The following USP54 variants were observed in gnomAD, a reference collection of about 807,000 sequenced individuals.
USP54 encodes the protein ubiquitin specific peptidase 54, also known as ubiquitin carboxyl-terminal hydrolase 54.
In USP54, 87 loss-of-function variants were observed where a neutral mutation model predicts 170.5. The ratio of observed to expected loss-of-function variants is 0.51; its 90% CI spans 0.43 to 0.61. USP54 has a LOEUF of 0.61. Ranked by LOEUF, USP54 falls within the 20% of genes least tolerant of loss-of-function variation. The pLI is 0.00. For synonymous variants in USP54, 655 were observed against 742.8 expected (o/e 0.88, Z 1.92); for missense variants, 1,786 against 2,047.8 (o/e 0.87, Z 2.47).
chr10:73,585,468 G>A (rs1026874747), intron 1 of USP54, among the ~76,000 whole-genome samples: 5 of 152,182 alleles, frequency 3.3e-5, no homozygotes, highest in Non-Finnish European at 7.3e-5. Context: ...GTCACATGGC[G>A]AGAGAGACAA....
At chr10:73,538,371 C>T (rs1436408286) in intron 10 of USP54, 1 of 152,038 alleles carries the variant, frequency 6.6e-6, no homozygotes, top group Non-Finnish European at 1.5e-5. Context: ...AATCAATCTC[C>T]CCGAGCCCAA....
intron 1 of USP54, among the ~76,000 whole-genome samples, chr10:73,610,443 GAA>G: frequency 6.6e-6 from 1 of 152,184 alleles, no homozygotes; most frequent in African/African-American, 2.4e-5. Flanking sequence ...CCAACATGGT[GAA>G]ACCCCAACTC....
chr10:73,521,996 G>A (rs892225006), intron 17 of USP54, among the ~76,000 whole-genome samples: 1 of 152,146 alleles, frequency 6.6e-6, no homozygotes, highest in South Asian at 2.1e-4. Flanking sequence ...TTGCCAGTGA[G>A]CCTTCACAAG....
intron 20 of USP54, among the ~76,000 whole-genome samples, chr10:73,509,742 T>C (rs563639116): frequency 5.2e-4 from 79 of 152,314 alleles, no homozygotes; most frequent in Non-Finnish European, 9.8e-4. Flanking sequence ...GCATCGTAGC[T>C]CATGCCTGTA....
At chr10:73,542,255 T>C (rs1383717759) in intron 7 of USP54, among the ~76,000 whole-genome samples, 2 of 152,130 alleles carry the variant, frequency 1.3e-5, no homozygotes, top group African/African-American at 4.8e-5. Context: ...CGCGCAACCA[T>C]GCCTGGCTAA....
At chr10:73,501,813 T>C (rs1388890611) in intron 22 of USP54, among the ~76,000 whole-genome samples, 1 of 152,118 alleles carries the variant, frequency 6.6e-6, no homozygotes, top group East Asian at 1.9e-4. Flanking sequence ...ACTTCCTGTT[T>C]CTGTTACCAA....
chr10:73,562,132 T>C (rs1029015708), intron 4 of USP54, among the ~76,000 whole-genome samples: 2 of 151,624 alleles, frequency 1.3e-5, no homozygotes, highest in African/African-American at 2.4e-5. Flanking sequence ...GAGAAAAAAA[T>C]TACAATCTCC....
At chr10:73,617,258 T>C (rs1303854209) in intron 1 of USP54, among the ~76,000 whole-genome samples, 1 of 149,998 alleles carries the variant, frequency 6.7e-6, no homozygotes, top group Non-Finnish European at 1.5e-5. Flanking sequence ...ATCGCACCAT[T>C]GCACTGCAGC....
rs181554392 is a variant in USP54, at chr10:73,606,039, G to A, written c.-18+19528C>T. 6.3e-4 allele frequency among the ~76,000 whole-genome samples: 95 copies of A among 151,800 alleles called. 1 individual carries two copies. In the East Asian group the frequency reaches 0.011, roughly 18 times the overall value. The stretch of plus-strand genomic sequence containing the variant: ...CTAAAAATACAAAAATTAGCCAGGC[G>A]TGGTGGTACAGTCCTGTAATCCCAG... On this transcript the variant is annotated intron_variant, in intron 1 of 22. Transcript: ENST00000339859.
intron 5 of USP54, 127 bp from the exon 6 acceptor site, chr10:73,543,258 T>C (rs1189732700): frequency 6.0e-6 from 4 of 668,478 alleles, no homozygotes; most frequent in Non-Finnish European, 1.0e-5. Flanking sequence ...TTTTTAAAAA[T>C]TTTTAGTTTA....
intron 5 of USP54, among the ~76,000 whole-genome samples, chr10:73,544,715 TTTTC>T (rs2067371985): frequency 6.6e-6 from 1 of 152,032 alleles, no homozygotes; most frequent in African/African-American, 2.4e-5. Flanking sequence ...TTTCTTTTTT[TTTTC>T]TTTTTTTCTT....
intron 4 of USP54, among the ~76,000 whole-genome samples, chr10:73,554,209 G>A (rs1029002228): frequency 2.6e-5 from 4 of 152,272 alleles, no homozygotes; most frequent in Admixed American, 2.6e-4. Context: ...TGCTTTTTGA[G>A]CTCAAGGTCT....
intron 1 of USP54, among the ~76,000 whole-genome samples, chr10:73,581,621 A>G (rs1454049420): frequency 6.6e-6 from 1 of 152,234 alleles, no homozygotes; most frequent in East Asian, 1.9e-4. Context: ...CCCCATCCAC[A>G]TTACATAAAT....
chr10:73,606,175 CAAAA>C (rs1178699732), intron 1 of USP54, among the ~76,000 whole-genome samples: 10 of 25,616 alleles, frequency 3.9e-4, no homozygotes, highest in African/African-American at 9.0e-4. Context: ...GAGGCTGTCT[CAAAA>C]AAAAAAAAAA....
At chr10:73,593,513 G>A (rs144559920), upstream of USP54, among the ~76,000 whole-genome samples, 280 of 152,196 alleles carry the variant, frequency 1.8e-3, 1 homozygote, top group Non-Finnish European at 2.8e-3. Context: ...TAGTTTAAAT[G>A]TTCAGGTATT....
At chr10:73,582,830 T>G (rs550053689) in intron 1 of USP54, among the ~76,000 whole-genome samples, 1 of 152,318 alleles carries the variant, frequency 6.6e-6, no homozygotes, top group East Asian at 1.9e-4. Context: ...TCAAAGTATC[T>G]CCACTAAGGC....
At chr10:73,541,765 T>C in intron 7 of USP54, 27 bp from the exon 8 acceptor site, 1 of 1,604,330 alleles carries the variant, frequency 6.2e-7, no homozygotes, top group South Asian at 1.1e-5. Context: ...AGAAGGGGGA[T>C]GATGGTTTGT....
In USP54 at chr10:73,519,811, G is replaced by C; in HGVS notation, c.2664C>G (p.Leu888=). Residue 888 remains leucine, a synonymous_variant, in exon 19 of 24, where the codon CTC becomes CTG. Transcript: ENST00000687698. ...SACLPTQAGT[L]SQPTSEQPIP... ...CCAAGCACTACCTTGTTGGCTGAGA[G>C]AGAGTCCCCGCCTGTGTTGGGAGGC... is the stretch of plus-strand genomic sequence containing the variant. 1 of 1,613,974 alleles carries C rather than the reference G, an allele frequency of 6.2e-7. No homozygotes were observed. Among genetic ancestry groups the C allele is most frequent in the Non-Finnish European group, 8.5e-7 (1 of 1,179,952 alleles).
chr10:73,570,190 T>TTA (rs1433129139), intron 4 of USP54, among the ~76,000 whole-genome samples: 1 of 151,946 alleles, frequency 6.6e-6, no homozygotes, highest in African/African-American at 2.4e-5. Context: ...ATATAATCCA[T>TTA]TATATATCTG....
Sources: gnomAD v4.1 joint callset for allele counts (sites outside exome capture counted in the v4.1 genomes callset) on GRCh38, gnomAD v4.1.1 for gene constraint, MANE v1.5 for transcripts, NCBI Gene and HGNC (gene_info 2026-07-23, HGNC 2026-07-21) for gene names.